Variants in DNAJC13 observed in about 807,000 individuals in gnomAD.
The protein encoded by DNAJC13 is DnaJ heat shock protein family (Hsp40) member C13.
In DNAJC13, 75 loss-of-function variants were observed where a neutral mutation model predicts 290.5. That is an observed-to-expected ratio of 0.26 (90% CI 0.21 to 0.31). DNAJC13 has a LOEUF of 0.31. DNAJC13 is among the 10% of genes least tolerant of loss of function. DNAJC13 has a pLI of 1.00. For missense variants in DNAJC13, 2,260 were observed against 2,674.5 expected (o/e 0.85, Z 3.42); for synonymous variants, 862 against 892.0 (o/e 0.97, Z 0.60).
chr3:132,462,859 A>G (rs555983888), intron 16 of DNAJC13, among the ~76,000 whole-genome samples: 2 of 152,322 alleles, frequency 1.3e-5, no homozygotes, highest in East Asian at 3.9e-4. Context: ...CTGAGCTTGT[A>G]TAGAAATCTA....
At chr3:132,502,572 G>T in intron 40 of DNAJC13, 104 bp downstream of exon 40, 1 of 1,085,692 alleles carries the variant, frequency 9.2e-7, no homozygotes, top group Non-Finnish European at 1.2e-6. Context: ...GAGATAAATT[G>T]TTTTTCAGGA....
chr3:132,500,523 A>G (rs905297386), intron 38 of DNAJC13, among the ~76,000 whole-genome samples: 2 of 152,210 alleles, frequency 1.3e-5, no homozygotes, highest in African/African-American at 4.8e-5. Context: ...TAAAAATCTA[A>G]AAACCATTCT....
At chr3:132,419,092 G>A (rs145952036) in intron 1 of DNAJC13, among the ~76,000 whole-genome samples, 29 of 152,272 alleles carry the variant, frequency 1.9e-4, no homozygotes, top group African/African-American at 6.5e-4. Flanking sequence ...TGTGCTGTTA[G>A]TATCACAATG....
intron 55 of DNAJC13, chr3:132,537,411 G>C (rs776668661): frequency 8.9e-5 from 31 of 347,252 alleles, no homozygotes; most frequent in Non-Finnish European, 1.7e-4. Context: ...AGTGTCCCTT[G>C]CAAGTACTTG....
chr3:132,456,195 A>G (rs373060644), intron 9 of DNAJC13, 40 bp from the exon 10 acceptor site: 35 of 1,591,726 alleles, frequency 2.2e-5, no homozygotes, highest in Non-Finnish European at 2.8e-5. Context: ...CCCCTTAATC[A>G]TCAATGCTAA....
At position 132,522,764 on chromosome 3, in the gene DNAJC13, TACAA is replaced by T; in HGVS notation, c.5674-58_5674-55del. 2 of 1,365,016 alleles carry T rather than the reference TACAA, an allele frequency of 1.5e-6. 1 individual carries two copies. The highest frequency in any genetic ancestry group is 2.8e-5 in the South Asian group (2 of 70,280). 84.6% of individuals were successfully genotyped at this position (1,365,016 alleles called of 1,614,324 possible). A position where few individuals can be genotyped will look rare whatever the true frequency, so the allele number is the denominator to read the frequency against. ...TTGATATTCTATCTTATTAGCAAAATACAAACAAAATATTGAGGTGTTTCCAATA... is the reference window on the plus strand; with the variant it reads ...TTGATATTCTATCTTATTAGCAAAATACAAAATATTGAGGTGTTTCCAATA... On this transcript the variant is annotated intron_variant, in intron 48 of 55. Coordinates refer to ENST00000260818, the MANE Select transcript of DNAJC13 (RefSeq NM_015268.4).
rs951578964 is a variant in DNAJC13 at position 132,477,891 on chromosome 3, T to G, written c.2548T>G (p.Ser850Ala). The G allele has an allele frequency of 6.2e-7, 1 of 1,612,190 alleles. No homozygotes were observed. Among genetic ancestry groups the G allele is most frequent in the Non-Finnish European group, 8.5e-7 (1 of 1,179,080 alleles). ...TGAAGAAAGTGGATCAATTAAGAGA[T>G]CGTGAGCTACTCTGTATATCCTGTC... ...ENEESGSIKR[S>A]YEFFNELYHR... The change falls in exon 23 of 56, where the codon TCG (serine) becomes GCG (alanine). Residue 850 changes from serine (S) to alanine (A), a missense_variant and splice_region_variant. Ser to Ala is a moderately conservative substitution (Grantham distance 99). Transcript: ENST00000260818.
chr3:132,420,734 A>G (rs957672657), intron 1 of DNAJC13, among the ~76,000 whole-genome samples: 2 of 152,200 alleles, frequency 1.3e-5, no homozygotes, highest in Admixed American at 6.5e-5. Context: ...GCTGTAATAC[A>G]CTGAGGATAA....
chr3:132,506,541 CTTTTTTTTTTTTTT>C (rs34151394), intron 42 of DNAJC13, among the ~76,000 whole-genome samples: 5 of 54,756 alleles, frequency 9.1e-5, no homozygotes, highest in South Asian at 6.3e-4. Context: ...CAGTGTATTA[CTTTTTTTTTTTTTT>C]TTTTTTTTTT....
chr3:132,533,802 T>G (rs1936504089), intron 55 of DNAJC13, among the ~76,000 whole-genome samples: 1 of 152,188 alleles, frequency 6.6e-6, no homozygotes, highest in Non-Finnish European at 1.5e-5. Context: ...AAAAAACATA[T>G]GTCCTTGACT....
rs1559884067 is a variant in DNAJC13 at position 132,471,237 on chromosome 3, C to T, written c.2209-1908C>T. 9.3e-5 allele frequency among the ~76,000 whole-genome samples: 12 copies of T among 128,812 alleles called. No individual in the cohort carries two copies. In the South Asian group the frequency reaches 1.0e-3, roughly 11 times the overall value. The allele number at this position is 128,812 out of a possible 152,430, so 84.5% of individuals were successfully genotyped here. On this transcript the variant is annotated intron_variant, in intron 20 of 55. Transcript: ENST00000260818. ...CTCCCGGACGGGGCGGCTGGCCGGG[C>T]GGGGGGCTGACCCCCCCACCTCCCT...
At position 132,450,734 on chromosome 3, in the gene DNAJC13, C is replaced by A; in HGVS notation, c.424C>A (p.Pro142Thr). ...TCCAGGAGGCTTTGACCAAATTAAT[C>A]CTGCAACCAACAGAGTACTCTGTTC... Reference protein sequence around the residue: ...VTPGGFDQINPATNRVLCSYD... With the variant: ...VTPGGFDQINTATNRVLCSYD... Residue 142 changes from proline (P) to threonine (T), a missense_variant, in exon 6 of 56, where the codon CCT (proline) becomes ACT (threonine). Transcript: ENST00000260818. 4 of 1,612,698 alleles carry A rather than the reference C, an allele frequency of 2.5e-6. No homozygotes were observed. The highest frequency in any genetic ancestry group is 2.5e-6 in the Non-Finnish European group (3 of 1,179,072).
Position 132,461,193 on chromosome 3 carries a change from T to C in DNAJC13, c.1701T>C (p.Phe567=), listed in dbSNP as rs1176876684. ...EMVASNGRTL[F]KLFQHPSMAI... is the part of the protein sequence containing the mutation. ...TAGCATCCAATGGAAGAACCCTTTT[T>C]AAACTTTTTCAGGTGAGAGCTTGTA... is the stretch of plus-strand genomic sequence containing the variant. Residue 567 remains phenylalanine (F), a synonymous_variant, in exon 15 of 56, where the codon TTT becomes TTC. Transcript: ENST00000260818. 1 of 1,614,060 alleles carries C rather than the reference T, an allele frequency of 6.2e-7. No individual in the cohort carries two copies. Among genetic ancestry groups the C allele is most frequent in the Non-Finnish European group, 8.5e-7 (1 of 1,179,952 alleles).
At chr3:132,524,653 G>A (rs1020158515) in intron 51 of DNAJC13, among the ~76,000 whole-genome samples, 1 of 152,240 alleles carries the variant, frequency 6.6e-6, no homozygotes, top group Non-Finnish European at 1.5e-5. Context: ...ACTTTCCATA[G>A]TCATATTCCT....
At position 132,450,667 on chromosome 3, in the gene DNAJC13, T is replaced by A; in HGVS notation, c.357T>A (p.His119Gln). 1 of 1,612,698 alleles carries A rather than the reference T, an allele frequency of 6.2e-7. No individual in the cohort carries two copies. The highest frequency in any genetic ancestry group is 8.5e-7 in the Non-Finnish European group (1 of 1,179,090). ...TTTAGAGATACAACTGCTATAAGCA[T>A]CACTGGAGTGACTCAAGAAAACCTG... ...ITGRRYNCYK[H>Q]HWSDSRKPVI... The change falls in exon 6 of 56, where the codon CAT (histidine) becomes CAA (glutamine). Residue 119 changes from histidine (H) to glutamine (Q), a missense_variant. Coordinates refer to ENST00000260818, the MANE Select transcript of DNAJC13 (RefSeq NM_015268.4).
chr3:132,489,546 T>C (rs1282128623), intron 31 of DNAJC13, among the ~76,000 whole-genome samples: 1 of 152,178 alleles, frequency 6.6e-6, no homozygotes, highest in African/African-American at 2.4e-5. Flanking sequence ...GCCTACATTT[T>C]ACAAAGAGAT....
intron 54 of DNAJC13, among the ~76,000 whole-genome samples, chr3:132,528,987 T>C (rs532737492): frequency 2.7e-4 from 41 of 152,316 alleles, no homozygotes; most frequent in African/African-American, 8.7e-4. Flanking sequence ...TAGCATAAAA[T>C]TAACCATTTT....
chr3:132,525,311 G>A (rs1429719896), intron 51 of DNAJC13, among the ~76,000 whole-genome samples: 1 of 152,184 alleles, frequency 6.6e-6, no homozygotes, highest in East Asian at 1.9e-4. Flanking sequence ...TTGCACTCCA[G>A]CCTGGGCAAC....
chr3:132,491,801 T>C (rs1322414509), intron 32 of DNAJC13, among the ~76,000 whole-genome samples: 1 of 152,194 alleles, frequency 6.6e-6, no homozygotes, highest in Non-Finnish European at 1.5e-5. Context: ...CTGCTTGTTA[T>C]CATTTGACTT....
Sources: gnomAD v4.1 joint callset for allele counts (sites outside exome capture counted in the v4.1 genomes callset) on GRCh38, gnomAD v4.1.1 for gene constraint, MANE v1.5 for transcripts, NCBI Gene and HGNC (gene_info 2026-07-23, HGNC 2026-07-21) for gene names.